SIPA1L1: variants seen among roughly 807,000 people sequenced by gnomAD.
The protein encoded by SIPA1L1 is signal-induced proliferation-associated 1-like protein 1.
SIPA1L1 carries 26 observed loss-of-function variants against 162.7 expected under a neutral mutation model. The ratio of observed to expected loss-of-function variants is 0.16; its 90% CI spans 0.12 to 0.22. The LOEUF (loss-of-function observed/expected upper bound fraction) is 0.22, where lower values mean the gene tolerates loss of function less well. SIPA1L1 is among the 10% of genes least tolerant of loss of function. SIPA1L1 has a pLI of 1.00. For missense variants in SIPA1L1, 1,874 were observed against 2,241.0 expected, an observed-to-expected ratio of 0.84 and a Z score of 3.31; for synonymous variants, 829 against 837.4, an observed-to-expected ratio of 0.99 and a Z score of 0.17.
intron 2 of SIPA1L1, among the ~76,000 whole-genome samples, chr14:71,392,678 C>A (rs368988125): frequency 2.0e-5 from 3 of 152,140 alleles, no homozygotes; most frequent in East Asian, 1.9e-4. Flanking sequence ...CAGGCACCTG[C>A]CACCACGCCC....
At chr14:71,476,649 TTTTATTTATTTA>T (rs200935200) in intron 2 of SIPA1L1, among the ~76,000 whole-genome samples, 115 of 146,324 alleles carry the variant, frequency 7.9e-4, no homozygotes, top group Admixed American at 1.6e-3. Context: ...AATTTGTTCG[TTTTATTTATTTA>T]TTTATTTATT....
At chr14:71,464,853 TCA>T in intron 2 of SIPA1L1, among the ~76,000 whole-genome samples, 1 of 152,116 alleles carries the variant, frequency 6.6e-6, no homozygotes, top group African/African-American at 2.4e-5. Context: ...CCGTCATGGG[TCA>T]CACTCTCAAC....
At chr14:71,636,918 G>A (rs1455322194) in intron 7 of SIPA1L1, among the ~76,000 whole-genome samples, 1 of 151,802 alleles carries the variant, frequency 6.6e-6, no homozygotes, top group African/African-American at 2.4e-5. Context: ...GGGCATGGTG[G>A]TGCATGCCTG....
chr14:71,360,499 G>A (rs1014160234), intron 2 of SIPA1L1, among the ~76,000 whole-genome samples: 4 of 152,162 alleles, frequency 2.6e-5, no homozygotes, highest in Admixed American at 1.3e-4. Context: ...AATAGGAGAC[G>A]AATGTACAAG....
intron 4 of SIPA1L1, among the ~76,000 whole-genome samples, chr14:71,534,440 C>G (rs2053714836): frequency 6.6e-6 from 1 of 152,092 alleles, no homozygotes; most frequent in African/African-American, 2.4e-5. Flanking sequence ...ATCAAGACTT[C>G]TAGAGTTCTT....
At chr14:71,467,367 C>T (rs1330928770) in intron 2 of SIPA1L1, 1 of 152,132 alleles carries the variant, frequency 6.6e-6, no homozygotes, top group Non-Finnish European at 1.5e-5. Flanking sequence ...ATTCGTCATT[C>T]ACTATTTGTT....
At chr14:71,321,046 G>T (rs1226958329) in intron 1 of SIPA1L1, 76 bp from the exon 2 acceptor site, 3 of 152,118 alleles carry the variant, frequency 2.0e-5, no homozygotes, top group African/African-American at 7.2e-5. Flanking sequence ...GCCTCGGGCC[G>T]GCCTCGCCGC....
At chr14:71,639,304 G>A (rs1187193658) in intron 7 of SIPA1L1, among the ~76,000 whole-genome samples, 2 of 152,132 alleles carry the variant, frequency 1.3e-5, no homozygotes, top group Non-Finnish European at 2.9e-5. Context: ...CAACTACTCA[G>A]GAGGCTAAGG....
At chr14:71,577,987 T>G (rs2033360040) in intron 4 of SIPA1L1, among the ~76,000 whole-genome samples, 1 of 152,148 alleles carries the variant, frequency 6.6e-6, no homozygotes, top group Admixed American at 6.5e-5. Flanking sequence ...CTCGCCTCAC[T>G]GCAGCCTCTG....
At chr14:71,595,254 G>A (rs2035899325) in intron 5 of SIPA1L1, among the ~76,000 whole-genome samples, 1 of 152,238 alleles carries the variant, frequency 6.6e-6, no homozygotes, top group South Asian at 2.1e-4. Flanking sequence ...TTGTTTTGCA[G>A]TAAAGCTGGT....
chr14:71,359,777 A>G (rs1939356819), intron 2 of SIPA1L1, among the ~76,000 whole-genome samples: 1 of 152,210 alleles, frequency 6.6e-6, no homozygotes, highest in African/African-American at 2.4e-5. Flanking sequence ...TTGGCAATAA[A>G]CAGGGAACTC....
chr14:71,469,018 C>T lies in SIPA1L1; in HGVS notation c.-464-43725C>T, dbSNP rs1378191313. On this transcript the variant is annotated intron_variant, in intron 2 of 23. Coordinates refer to ENST00000381232, the MANE Select transcript of SIPA1L1 (RefSeq NM_001386936.1). Reference sequence around the variant, plus strand: ...TACTCCAGCCCAGTTCCCTTACTTTCTAAGTCTTTTTCCATTTTCAAGCCA... The same window carrying T: ...TACTCCAGCCCAGTTCCCTTACTTTTTAAGTCTTTTTCCATTTTCAAGCCA... 1.3e-5 allele frequency among the ~76,000 whole-genome samples: 2 copies of T among 151,690 alleles called. 1 individual carries two copies. The highest frequency in any genetic ancestry group is 4.8e-5 in the African/African-American group (2 of 41,522).
At chr14:71,579,834 A>G (rs1029695326) in intron 4 of SIPA1L1, among the ~76,000 whole-genome samples, 1 of 152,212 alleles carries the variant, frequency 6.6e-6, no homozygotes, top group Admixed American at 6.5e-5. Flanking sequence ...TTTTTGGAAC[A>G]TAAATATTCA....
At chr14:71,457,314 T>C (rs1273483168) in intron 2 of SIPA1L1, among the ~76,000 whole-genome samples, 2 of 152,020 alleles carry the variant, frequency 1.3e-5, no homozygotes, top group African/African-American at 4.8e-5. Flanking sequence ...TTTTTTTTTT[T>C]TTTGAGATGG....
intron 3 of SIPA1L1, among the ~76,000 whole-genome samples, chr14:71,524,397 G>C (rs1034364676): frequency 1.3e-5 from 2 of 152,146 alleles, no homozygotes; most frequent in African/African-American, 4.8e-5. Flanking sequence ...CTTATATACT[G>C]GTTGATGTTA....
At chr14:71,594,159 C>T (rs2035755262) in intron 5 of SIPA1L1, among the ~76,000 whole-genome samples, 2 of 152,166 alleles carry the variant, frequency 1.3e-5, no homozygotes, top group Admixed American at 1.3e-4. Flanking sequence ...GTCTTTACCT[C>T]TCACCCTCTT....
At chr14:71,721,837 C>T (rs1188914528) in intron 17 of SIPA1L1, among the ~76,000 whole-genome samples, 1 of 152,164 alleles carries the variant, frequency 6.6e-6, no homozygotes. Context: ...GGGGCTTGTT[C>T]AAGGACTGCA....
intron 9 of SIPA1L1, among the ~76,000 whole-genome samples, chr14:71,658,943 A>C (rs946142853): frequency 2.0e-5 from 3 of 152,256 alleles, no homozygotes; most frequent in African/African-American, 7.2e-5. Flanking sequence ...TAACAATTGC[A>C]TATGTGCACA....
intron 7 of SIPA1L1, among the ~76,000 whole-genome samples, chr14:71,645,465 C>CT (rs2042075910): frequency 6.6e-6 from 1 of 152,188 alleles, no homozygotes; most frequent in Non-Finnish European, 1.5e-5. Flanking sequence ...TGAACAAGTG[C>CT]TTTTCCTTGA....
Sources: allele counts gnomAD v4.1 joint callset (sites outside exome capture counted in the v4.1 genomes callset), GRCh38; gene constraint gnomAD v4.1.1; transcripts MANE v1.5; gene names NCBI Gene and HGNC (gene_info 2026-07-23, HGNC 2026-07-21).